TBC1D8: variants seen among roughly 807,000 people sequenced by gnomAD.
The protein encoded by TBC1D8 is BUB2-like protein 1.
Under a neutral mutation model 118.8 loss-of-function variants are expected in TBC1D8, and 65 were observed. The observed-to-expected ratio is 0.55, with a 90% CI of 0.45 to 0.67. The LOEUF (loss-of-function observed/expected upper bound fraction) is 0.67. Ranked by LOEUF, TBC1D8 falls within the 30% of genes least tolerant of loss-of-function variation. TBC1D8 has a pLI of 0.00. For missense variants in TBC1D8, 1,376 were observed against 1,471.2 expected (o/e 0.94, Z 1.06); for synonymous variants, 566 against 595.8 (o/e 0.95, Z 0.73).
rs545426052 is a variant in TBC1D8 at position 101,085,073 on chromosome 2, G to A, written c.283+5136C>T. On this transcript the variant is annotated intron_variant, in intron 2 of 19. Transcript: ENST00000409318. ...TCACCGTGTTAGCCAGGATGGTCGC[G>A]ATCTCCTGACCTCGTGATCTGCCCA... Among the ~76,000 whole-genome samples, 3 of 151,848 alleles carry A rather than the reference G, an allele frequency of 2.0e-5. No homozygotes were observed. In the South Asian group the frequency reaches 6.3e-4, roughly 32 times the overall value.
intron 1 of TBC1D8, among the ~76,000 whole-genome samples, chr2:101,143,029 CTGTT>C (rs1679174231): frequency 6.6e-6 from 1 of 151,230 alleles, no homozygotes; most frequent in South Asian, 2.1e-4. Context: ...TACTAAGGCA[CTGTT>C]TATTTTATTG....
intron 2 of TBC1D8, among the ~76,000 whole-genome samples, chr2:101,064,369 G>C (rs963473696): frequency 6.6e-6 from 1 of 152,134 alleles, no homozygotes; most frequent in Admixed American, 6.6e-5. Context: ...GACTTCCCAG[G>C]CTCCAGAACT....
Position 101,022,387 on chromosome 2 carries a change from G to T in TBC1D8, c.2655C>A (p.Pro885=). The T allele has an allele frequency of 6.2e-7, 1 of 1,613,454 alleles. No homozygotes were observed. Among genetic ancestry groups the T allele is most frequent in the Admixed American group, 1.7e-5 (1 of 59,792 alleles). The change falls in exon 16 of 20, where the codon CCC becomes CCA. Residue 885 remains proline (P), a synonymous_variant. Coordinates refer to ENST00000409318, the MANE Select transcript of TBC1D8 (RefSeq NM_001330348.2). ...TCTCCGTGTGGGCCCCGCAGGTCCA[G>T]GGCGAGACTAGCTGAAACAGGTGTG... ...QFAHLFQLVS[P]WTCGAHTEIL... is the part of the protein sequence containing the mutation.
chr2:101,054,432 GC>G, intron 3 of TBC1D8, 96 bp from the exon 4 acceptor site: 2 of 1,263,200 alleles, frequency 1.6e-6, no homozygotes, highest in Non-Finnish European at 1.1e-6. Flanking sequence ...AGGTGCACAG[GC>G]CCCCGAGAAG....
intron 19 of TBC1D8, among the ~76,000 whole-genome samples, chr2:101,009,349 T>C (rs962680516): frequency 1.4e-5 from 2 of 147,414 alleles, no homozygotes; most frequent in Admixed American, 1.4e-4. Context: ...GAGCTTGCAG[T>C]GAGCCGAGAT....
rs1187353834 is a variant in TBC1D8, at chr2:101,029,698, A to G, written c.2015T>C (p.Leu672Pro). 1 of 1,613,894 alleles carries G rather than the reference A, an allele frequency of 6.2e-7. No homozygotes were observed. Among genetic ancestry groups the G allele is most frequent in the African/African-American group, 1.3e-5 (1 of 74,916 alleles). ...GAGAGAGACGGACGCCAGGGCTGAG[A>G]GGTCGTTCATGTGCTCTGCCAGCTC... Reference protein sequence around the residue: ...LPELAEHMNDLSALASVSLSW... With the variant: ...LPELAEHMNDPSALASVSLSW... The change falls in exon 12 of 20, where the codon CTC becomes CCC. Residue 672 changes from leucine to proline, a missense_variant. Leu to Pro is a moderately conservative substitution (Grantham distance 98). Transcript: ENST00000409318.
At chr2:101,071,428 G>A (rs1180841913) in intron 2 of TBC1D8, among the ~76,000 whole-genome samples, 1 of 152,180 alleles carries the variant, frequency 6.6e-6, no homozygotes, top group African/African-American at 2.4e-5. Flanking sequence ...GGGCCCTGTG[G>A]GGAGGCTAGA....
Position 101,046,275 on chromosome 2 carries a change from C to G in TBC1D8, c.872+4126G>C, listed in dbSNP as rs76697963. The stretch of plus-strand genomic sequence containing the variant: ...GCTGTCAGGCGCCAGCACAGGCGGT[C>G]GGCACGAAGGGCCCCTCATTCCTTT... On this transcript the variant is annotated intron_variant, in intron 5 of 19. Transcript: ENST00000409318. 6.3e-3 allele frequency among the ~76,000 whole-genome samples: 963 copies of G among 152,300 alleles called. 11 individuals carry two copies. Among genetic ancestry groups the G allele is most frequent in the African/African-American group, 0.022 (934 of 41,570 alleles).
chr2:101,042,865 A>G (rs1237342388), intron 5 of TBC1D8, among the ~76,000 whole-genome samples: 1 of 152,176 alleles, frequency 6.6e-6, no homozygotes, highest in Non-Finnish European at 1.5e-5. Context: ...GGCTGCACAC[A>G]GCTCAAGTGA....
chr2:101,037,689 G>A lies in TBC1D8; in HGVS notation c.1295C>T (p.Ser432Leu), dbSNP rs1234302722. Reference sequence around the variant, plus strand: ...TCTGTGGTCACTGCACATGCTTGTTGAATGAAACACGAGTGAAGCCTGCAC... The same window carrying A: ...TCTGTGGTCACTGCACATGCTTGTTAAATGAAACACGAGTGAAGCCTGCAC... ...DDDMASLVFHSTSMCSDHRFG... is the reference protein window; with the variant it reads ...DDDMASLVFHLTSMCSDHRFG... Residue 432 changes from serine (S) to leucine (L), a missense_variant, in exon 8 of 20, where the codon TCA becomes TTA. Coordinates refer to ENST00000409318, the MANE Select transcript of TBC1D8 (RefSeq NM_001330348.2). The A allele has an allele frequency of 1.9e-6, 3 of 1,613,434 alleles. No individual in the cohort carries two copies. In the African/African-American group the frequency reaches 4.0e-5, roughly 22 times the overall value.
intron 5 of TBC1D8, among the ~76,000 whole-genome samples, chr2:101,046,481 G>A (rs563387207): frequency 6.6e-6 from 1 of 152,338 alleles, no homozygotes; most frequent in African/African-American, 2.4e-5. Flanking sequence ...GACTGGGGTT[G>A]TGGAGGGTGA....
chr2:101,140,398 G>A (rs1679051042), intron 1 of TBC1D8, among the ~76,000 whole-genome samples: 1 of 152,140 alleles, frequency 6.6e-6, no homozygotes. Flanking sequence ...ACATTTTGAA[G>A]GCTAAATATA....
intron 1 of TBC1D8, among the ~76,000 whole-genome samples, chr2:101,130,359 G>A (rs545162332): frequency 4.6e-5 from 7 of 152,290 alleles, no homozygotes; most frequent in Admixed American, 1.3e-4. Flanking sequence ...CTGCAGGGTC[G>A]CAGAGGGCTA....
intron 9 of TBC1D8, 147 bp downstream of exon 9, chr2:101,035,871 T>A: frequency 1.0e-6 from 1 of 966,624 alleles, no homozygotes; most frequent in Non-Finnish European, 1.5e-6. Context: ...CAACAGGGAG[T>A]GGAAGTCCTC....
chr2:101,140,761 T>C (rs1369358075), intron 1 of TBC1D8, among the ~76,000 whole-genome samples: 7 of 38,496 alleles, frequency 1.8e-4, no homozygotes, highest in African/African-American at 4.1e-4. Flanking sequence ...ATATTACTAC[T>C]TTTTTTTTTT....
chr2:101,131,925 T>G (rs1238341646), intron 1 of TBC1D8, among the ~76,000 whole-genome samples: 4 of 152,200 alleles, frequency 2.6e-5, no homozygotes, highest in Non-Finnish European at 5.9e-5. Context: ...ATTTCCTAAA[T>G]GAAAGGTTTT....
chr2:101,070,970 A>G (rs927932025), intron 2 of TBC1D8, among the ~76,000 whole-genome samples: 10 of 152,202 alleles, frequency 6.6e-5, no homozygotes, highest in Non-Finnish European at 7.3e-5. Flanking sequence ...TAATAGATAC[A>G]TTGCTAAAAG....
At chr2:101,137,803 T>G (rs1678922570) in intron 1 of TBC1D8, among the ~76,000 whole-genome samples, 1 of 152,182 alleles carries the variant, frequency 6.6e-6, no homozygotes, top group South Asian at 2.1e-4. Context: ...ATTACATTTT[T>G]AAGCTGCCAC....
chr2:101,028,205 G>A, intron 13 of TBC1D8, 59 bp from the exon 14 acceptor site: 1 of 1,607,024 alleles, frequency 6.2e-7, no homozygotes. Flanking sequence ...TGTGGAAACA[G>A]GAAGTGGCCC....
Sources: allele counts gnomAD v4.1 joint callset (sites outside exome capture counted in the v4.1 genomes callset), GRCh38; gene constraint gnomAD v4.1.1; transcripts MANE v1.5; gene names NCBI Gene and HGNC (gene_info 2026-07-23, HGNC 2026-07-21).